The following PIEZO1 variants were observed in gnomAD, a reference collection of about 807,000 sequenced individuals.
PIEZO1 encodes piezo-type mechanosensitive ion channel component 1.
In PIEZO1, 296 loss-of-function variants were observed where a neutral mutation model predicts 297.2. The ratio of observed to expected loss-of-function variants is 1.00; its 90% confidence interval spans 0.91 to 1.10. The LOEUF (loss-of-function observed/expected upper bound fraction) is 1.10. Ranked by LOEUF, PIEZO1 falls within the 50% of genes least tolerant of loss-of-function variation. The pLI is 0.00. For synonymous variants in PIEZO1, 2,427 were observed against 1,507.5 expected (o/e 1.61, Z -14.13); for missense variants, 5,018 against 3,455.5 (o/e 1.45, Z -11.34).
At chr16:88,724,762 T>A (rs982982416) in intron 30 of PIEZO1, among the ~76,000 whole-genome samples, 1 of 152,238 alleles carries the variant, frequency 6.6e-6, no homozygotes, top group East Asian at 1.9e-4. Flanking sequence ...TCGACCACCA[T>A]GTGTCATCGG....
rs147316200 is a variant in PIEZO1, at chr16:88,753,754, C to T, written c.65-4275G>A. ...TGGTCTAAGTGTGTTGATGTGGCCT[C>T]AGCTGTGACTTTGTGGGCTAAAGCC... On this transcript the variant is annotated intron_variant, in intron 1 of 50. Coordinates refer to ENST00000301015, the MANE Select transcript of PIEZO1 (RefSeq NM_001142864.4). 6.1e-3 allele frequency among the ~76,000 whole-genome samples: 936 copies of T among 152,346 alleles called. 11 individuals carry two copies. Among genetic ancestry groups the T allele is most frequent in the African/African-American group, 0.022 (894 of 41,580 alleles).
In PIEZO1 at chr16:88,736,665, A is replaced by G. The variant is rs759627248; in HGVS notation, c.1270T>C (p.Tyr424His). The change falls in exon 11 of 51, where the codon TAT becomes CAT. Residue 424 changes from tyrosine to histidine, a missense_variant. Transcript: ENST00000301015. ...ATCATGGCAATGAGCGCGCACACATAGCTCTGGTCCATGATGAGGTGGCCC... is the reference window on the plus strand; with the variant it reads ...ATCATGGCAATGAGCGCGCACACATGGCTCTGGTCCATGATGAGGTGGCCC... The part of the protein sequence containing the change: ...SLGHLIMDQS[Y>H]VCALIAMMVW... The G allele has an allele frequency of 1.7e-4, 254 of 1,532,762 alleles. 1 individual carries two copies. In the African/African-American group the frequency reaches 2.6e-3, roughly 15 times the overall value. The allele number at this position is 1,532,762 out of a possible 1,614,324, so 94.9% of individuals were successfully genotyped here.
rs578202223 is a variant in PIEZO1 at position 88,739,015 on chromosome 16, C to G, written c.466-279G>C. The G allele has an allele frequency of 7.6e-6, 4 of 527,712 alleles. No individual in the cohort carries two copies. The Admixed American group carries it at 1.3e-4, about 18-fold the overall frequency. The allele number at this position is 527,712 out of a possible 1,614,324, so 32.7% of individuals were successfully genotyped here. On this transcript the variant is annotated intron_variant, in intron 5 of 50. Coordinates refer to ENST00000301015, the MANE Select transcript of PIEZO1 (RefSeq NM_001142864.4). ...GGGTCTGTCCTGCCAAGCCCAGGCA[C>G]GTGATGACCTTGCCAGGTACAGACA...
In PIEZO1 at chr16:88,731,769, G is replaced by C. The variant is rs541530110; in HGVS notation, c.3133C>G (p.Leu1045Val). 1 of 1,549,758 alleles carries C rather than the reference G, an allele frequency of 6.5e-7. No homozygotes were observed. The highest frequency in any genetic ancestry group is 1.2e-5 in the South Asian group (1 of 84,034). The change falls in exon 22 of 51, where the codon CTG becomes GTG. Residue 1045 changes from leucine to valine, a missense_variant. Leu to Val is a conservative substitution (Grantham distance 32, BLOSUM62 1). Transcript: ENST00000301015. ...TACTGGTACAGCAGGAACAGCGCCA[G>C]GAAGAGGCAGTAGTTGGGCCAGAGG... ...ARLWPNYCLF[L>V]ALFLLYQYLL...
chr16:88,783,026 T>C (rs1908006842), intron 1 of PIEZO1, among the ~76,000 whole-genome samples: 1 of 152,198 alleles, frequency 6.6e-6, no homozygotes, highest in Admixed American at 6.5e-5. Flanking sequence ...AGTTTTAGGT[T>C]TAAGGAAAGT....
intron 31 of PIEZO1, 55 bp downstream of exon 31, chr16:88,723,816 C>A (rs989198416): frequency 2.1e-6 from 2 of 964,730 alleles, no homozygotes; most frequent in Admixed American, 4.0e-5. Flanking sequence ...CTGCCCTGGT[C>A]CAGGACCACA....
intron 1 of PIEZO1, among the ~76,000 whole-genome samples, chr16:88,777,752 T>C (rs529448236): frequency 5.9e-5 from 9 of 152,316 alleles, no homozygotes; most frequent in South Asian, 4.1e-4. Flanking sequence ...AGGCGACAGA[T>C]TGCAAACTGC....
intron 1 of PIEZO1, among the ~76,000 whole-genome samples, chr16:88,774,658 G>C (rs1019097781): frequency 6.6e-6 from 1 of 152,222 alleles, no homozygotes; most frequent in Non-Finnish European, 1.5e-5. Flanking sequence ...CTGGACCCAT[G>C]AAGAAGGGCC....
At chr16:88,743,338 G>T (rs1905821855) in intron 2 of PIEZO1, 1 of 453,972 alleles carries the variant, frequency 2.2e-6, no homozygotes, top group African/African-American at 2.0e-5. Context: ...ACAGGGCTGT[G>T]GACAGCTTCC....
At chr16:88,732,824 G>A in intron 19 of PIEZO1, 92 bp from the exon 20 acceptor site, 1 of 1,294,858 alleles carries the variant, frequency 7.7e-7, no homozygotes. Context: ...TCTGGGGCAG[G>A]TCCACTGCTC....
chr16:88,774,582 G>C (rs546029953), intron 1 of PIEZO1, among the ~76,000 whole-genome samples: 2 of 152,146 alleles, frequency 1.3e-5, no homozygotes, highest in African/African-American at 4.8e-5. Context: ...GGTGGGCATC[G>C]CTGGCCCAGC....
At chr16:88,784,868 C>G in intron 1 of PIEZO1, 33 bp downstream of exon 1, 1 of 1,398,622 alleles carries the variant, frequency 7.1e-7, no homozygotes, top group East Asian at 3.3e-5. Flanking sequence ...GCAGCCCCCT[C>G]CCGTCGCCCC....
chr16:88,731,167 A>ACCCC (rs1165253672), intron 22 of PIEZO1: 1 of 155,146 alleles, frequency 6.4e-6, no homozygotes, highest in East Asian at 1.9e-4. Flanking sequence ...GGCGGCTTAG[A>ACCCC]CCCAAGACAA....
intron 2 of PIEZO1, among the ~76,000 whole-genome samples, chr16:88,747,213 C>T (rs1333894341): frequency 6.9e-6 from 1 of 144,476 alleles, no homozygotes; most frequent in Admixed American, 6.9e-5. Context: ...CCTGGGCAAC[C>T]AAGCAAGACC....
chr16:88,748,026 C>T (rs888675243), intron 2 of PIEZO1, among the ~76,000 whole-genome samples: 30 of 152,356 alleles, frequency 2.0e-4, no homozygotes, highest in Non-Finnish European at 3.5e-4. Context: ...CAGCCTGATG[C>T]GTCCAGCACC....
At chr16:88,719,535 C>G in intron 44 of PIEZO1, 39 bp downstream of exon 44, 2 of 1,526,772 alleles carry the variant, frequency 1.3e-6, no homozygotes, top group Non-Finnish European at 1.8e-6. Context: ...AGGGCATATC[C>G]CTGGCCCTTG....
Position 88,715,344 on chromosome 16 carries a change from T to A in PIEZO1, c.*261A>T. 7.7e-7 allele frequency: 1 copy of A among 1,306,228 alleles called. No individual in the cohort carries two copies. Among genetic ancestry groups the A allele is most frequent in the Non-Finnish European group, 1.1e-6 (1 of 951,722 alleles). The allele number at this position is 1,306,228 out of a possible 1,614,324, so 80.9% of individuals were successfully genotyped here. A position where few individuals can be genotyped will look rare whatever the true frequency, so the allele number is the denominator to read the frequency against. On this transcript the variant is annotated 3_prime_UTR_variant, in exon 51 of 51. Coordinates refer to ENST00000301015, the MANE Select transcript of PIEZO1 (RefSeq NM_001142864.4). Reference sequence around the variant, plus strand: ...CAAGGACGGGGGACTGGCCTCTGATTGTCCATTTGTATAAATAAAACATTT... The same window carrying A: ...CAAGGACGGGGGACTGGCCTCTGATAGTCCATTTGTATAAATAAAACATTT...
intron 1 of PIEZO1, among the ~76,000 whole-genome samples, chr16:88,777,058 C>T (rs765275294): frequency 1.3e-4 from 19 of 151,342 alleles, no homozygotes; most frequent in Admixed American, 2.6e-4. Context: ...CTGCAAACTC[C>T]GTCTCCCGGA....
chr16:88,770,578 T>C (rs1907379802), intron 1 of PIEZO1, among the ~76,000 whole-genome samples: 1 of 152,158 alleles, frequency 6.6e-6, no homozygotes, highest in Non-Finnish European at 1.5e-5. Flanking sequence ...CCATGGGCGG[T>C]GCCTGCCTGG....
Sources: allele counts gnomAD v4.1 joint callset (sites outside exome capture counted in the v4.1 genomes callset), GRCh38; gene constraint gnomAD v4.1.1; transcripts MANE v1.5; gene names NCBI Gene and HGNC (gene_info 2026-07-23, HGNC 2026-07-21).